The following SLC44A1 variants were observed in gnomAD, a reference collection of about 807,000 sequenced individuals.
SLC44A1 encodes the protein choline transporter-like protein 1.
A neutral mutation model predicts 79.3 loss-of-function variants in SLC44A1; 26 were observed. The ratio of observed to expected loss-of-function variants is 0.33; its 90% CI spans 0.24 to 0.46. The LOEUF (loss-of-function observed/expected upper bound fraction) is 0.46, where lower values mean the gene tolerates loss of function less well. SLC44A1 is among the 20% of genes least tolerant of loss of function. SLC44A1 has a pLI of 1.00. For synonymous variants in SLC44A1, 263 were observed against 286.2 expected, an observed-to-expected ratio of 0.92 and a Z score of 0.82; for missense variants, 688 against 798.1, an observed-to-expected ratio of 0.86 and a Z score of 1.66.
chr9:105,352,467 A>G (rs1305845765), intron 5 of SLC44A1, among the ~76,000 whole-genome samples: 1 of 152,300 alleles, frequency 6.6e-6, no homozygotes, highest in Middle Eastern at 3.4e-3. Context: ...TAATTTTCAT[A>G]TGAGGGACTA....
intron 1 of SLC44A1, among the ~76,000 whole-genome samples, chr9:105,252,415 C>T (rs1042339043): frequency 6.6e-6 from 1 of 152,076 alleles, no homozygotes; most frequent in African/African-American, 2.4e-5. Context: ...GAACTCCTAC[C>T]TTAGAACACT....
downstream of SLC44A1, among the ~76,000 whole-genome samples, chr9:105,399,443 T>G (rs1462188178): frequency 1.3e-5 from 2 of 152,176 alleles, no homozygotes; most frequent in Non-Finnish European, 2.9e-5. Context: ...CACTCCATCT[T>G]CCAGAAAGGA....
intron 1 of SLC44A1, among the ~76,000 whole-genome samples, chr9:105,286,237 A>G (rs183916134): frequency 5.3e-5 from 8 of 152,296 alleles, no homozygotes; most frequent in African/African-American, 1.7e-4. Context: ...TACACAGGAT[A>G]TGCTAACCAC....
At chr9:105,337,779 G>T (rs10115833) in intron 4 of SLC44A1, among the ~76,000 whole-genome samples, 16,270 of 152,102 alleles carry the variant, frequency 0.11, 2,257 homozygotes, top group African/African-American at 0.32. Context: ...CCTTATTGGC[G>T]GTGTGGCCTG....
chr9:105,417,292 A>T (rs979761285), intron 15 of SLC44A1, among the ~76,000 whole-genome samples: 2 of 152,192 alleles, frequency 1.3e-5, no homozygotes, highest in African/African-American at 4.8e-5. Flanking sequence ...TAATGGATAC[A>T]TTACCATGTT....
chr9:105,330,819 C>T (rs1483152597), intron 3 of SLC44A1, among the ~76,000 whole-genome samples: 1 of 152,172 alleles, frequency 6.6e-6, no homozygotes, highest in East Asian at 1.9e-4. Flanking sequence ...GTAATAAATA[C>T]ACATTTACAT....
At chr9:105,315,184 T>C (rs1831287780) in intron 3 of SLC44A1, among the ~76,000 whole-genome samples, 1 of 152,102 alleles carries the variant, frequency 6.6e-6, no homozygotes, top group African/African-American at 2.4e-5. Flanking sequence ...TAGGAAGGCT[T>C]TGAGTAATTT....
At chr9:105,348,251 TATA>T (rs1405887663) in intron 4 of SLC44A1, 104 bp from the exon 5 acceptor site, 1 of 624,446 alleles carries the variant, frequency 1.6e-6, no homozygotes, top group African/African-American at 1.9e-5. Flanking sequence ...TTATGAATTC[TATA>T]ATGTTTGGAA....
chr9:105,395,846 C>T lies in SLC44A1; in HGVS notation c.*6790C>T. On this transcript the variant is annotated 3_prime_UTR_variant, in exon 16 of 16. Transcript: ENST00000374720. ...GTTCCATGGATCATTCTAGTTGCCA[C>T]TAGAAAATGTGAGCTCCTTCTTCAT... 1 of 982,402 alleles carries T rather than the reference C, an allele frequency of 1.0e-6. No homozygotes were observed. 60.9% of individuals were successfully genotyped at this position (982,402 alleles called of 1,614,324 possible). A position where few individuals can be genotyped will look rare whatever the true frequency, so the allele number is the denominator to read the frequency against.
At chr9:105,299,071 A>G in intron 1 of SLC44A1, 149 bp from the exon 2 acceptor site, 1 of 577,938 alleles carries the variant, frequency 1.7e-6, no homozygotes, top group Middle Eastern at 4.4e-4. Context: ...CGTCACAGAA[A>G]AGGTGACAAA....
At chr9:105,376,246 G>T (rs544895530) in intron 13 of SLC44A1, among the ~76,000 whole-genome samples, 1 of 150,514 alleles carries the variant, frequency 6.6e-6, no homozygotes, top group Non-Finnish European at 1.5e-5. Context: ...TTTTGTTTAC[G>T]TATTTATAAT....
chr9:105,316,724 G>A (rs1831337176), intron 3 of SLC44A1, among the ~76,000 whole-genome samples: 1 of 152,202 alleles, frequency 6.6e-6, no homozygotes, highest in African/African-American at 2.4e-5. Flanking sequence ...AAAGCTGAGT[G>A]ACTCCACTTT....
At chr9:105,386,152 ATATG>A in intron 15 of SLC44A1, 1 of 977,884 alleles carries the variant, frequency 1.0e-6, no homozygotes, top group Non-Finnish European at 1.2e-6. Flanking sequence ...TTGATATTAT[ATATG>A]TATATGTACA....
chr9:105,324,360 C>T (rs750048639), intron 3 of SLC44A1, among the ~76,000 whole-genome samples: 3 of 151,776 alleles, frequency 2.0e-5, no homozygotes, highest in Non-Finnish European at 4.4e-5. Flanking sequence ...AAGTGATTCT[C>T]CTGCCTTAGC....
rs971190746 is a variant in SLC44A1 at position 105,392,892 on chromosome 9, A to C, written c.*3836A>C. ...ACATGGCCTCTGAGAAGTTTCCTCC[A>C]GAAAGGTCTTTAAGCTTTCGCTTTT... On this transcript the variant is annotated 3_prime_UTR_variant, in exon 16 of 16. Transcript: ENST00000374720. 1 of 985,268 alleles carries C rather than the reference A, an allele frequency of 1.0e-6. No individual in the cohort carries two copies. The highest frequency in any genetic ancestry group is 1.1e-4 in the East Asian group (1 of 8,832). The allele number at this position is 985,268 out of a possible 1,614,324, so 61.0% of individuals were successfully genotyped here. A position where few individuals can be genotyped will look rare whatever the true frequency, so the allele number is the denominator to read the frequency against.
Position 105,393,373 on chromosome 9 carries a change from T to C in SLC44A1, c.*4317T>C. 1 of 985,154 alleles carries C rather than the reference T, an allele frequency of 1.0e-6. No individual in the cohort carries two copies. The highest frequency in any genetic ancestry group is 4.7e-5 in the South Asian group (1 of 21,286). 61.0% of individuals were successfully genotyped at this position (985,154 alleles called of 1,614,324 possible). ...GACCCTTGAATATGCCAAGAGAAAATCTAAAGCTAGCAAACTTAAAAAACA... is the reference window on the plus strand; with the variant it reads ...GACCCTTGAATATGCCAAGAGAAAACCTAAAGCTAGCAAACTTAAAAAACA... On this transcript the variant is annotated 3_prime_UTR_variant, in exon 16 of 16. Transcript: ENST00000374720.
chr9:105,313,039 T>C (rs1831223509), intron 3 of SLC44A1, among the ~76,000 whole-genome samples: 2 of 152,202 alleles, frequency 1.3e-5, no homozygotes, highest in African/African-American at 4.8e-5. Flanking sequence ...CTCCTCCCAC[T>C]GTTCCTCAGT....
intron 13 of SLC44A1, among the ~76,000 whole-genome samples, chr9:105,377,380 A>G (rs1376962264): frequency 6.6e-6 from 1 of 152,202 alleles, no homozygotes; most frequent in Non-Finnish European, 1.5e-5. Flanking sequence ...AATATAGATA[A>G]TTCCAAACCC....
intron 1 of SLC44A1, among the ~76,000 whole-genome samples, chr9:105,277,087 CATAT>C (rs1325697732): frequency 6.6e-6 from 1 of 152,108 alleles, no homozygotes; most frequent in African/African-American, 2.4e-5. Context: ...AGATTCTGGC[CATAT>C]TTGGAAGACA....
Sources: gnomAD v4.1 joint callset for allele counts (sites outside exome capture counted in the v4.1 genomes callset) on GRCh38, gnomAD v4.1.1 for gene constraint, MANE v1.5 for transcripts, NCBI Gene and HGNC (gene_info 2026-07-23, HGNC 2026-07-21) for gene names.